Variants in TRIM33 observed in about 807,000 individuals in gnomAD.
The protein encoded by TRIM33 is E3 ubiquitin-protein ligase TRIM33.
Under a neutral mutation model 125.4 loss-of-function variants are expected in TRIM33, and 20 were observed. The observed-to-expected ratio is 0.16, with a 90% confidence interval of 0.11 to 0.23. TRIM33 has a LOEUF of 0.23. Ranked by LOEUF, TRIM33 falls within the 10% of genes least tolerant of loss-of-function variation. TRIM33 has a pLI of 1.00. For missense variants in TRIM33, 920 were observed against 1,411.4 expected, an observed-to-expected ratio of 0.65 and a Z score of 5.58; for synonymous variants, 564 against 513.9, an observed-to-expected ratio of 1.10 and a Z score of -1.32.
intron 1 of TRIM33, among the ~76,000 whole-genome samples, chr1:114,502,312 C>A (rs1652765612): frequency 6.6e-6 from 1 of 152,132 alleles, no homozygotes; most frequent in South Asian, 2.1e-4. Flanking sequence ...TTTAACAGAG[C>A]AGGGCTCAAA....
intron 1 of TRIM33, among the ~76,000 whole-genome samples, chr1:114,492,820 CTT>C (rs1652150689): frequency 6.6e-6 from 1 of 152,218 alleles, no homozygotes; most frequent in African/African-American, 2.4e-5. Context: ...CTGTTGAACA[CTT>C]AACATTATTT....
chr1:114,417,149 T>C (rs575102346), intron 11 of TRIM33, among the ~76,000 whole-genome samples: 1 of 152,296 alleles, frequency 6.6e-6, no homozygotes, highest in East Asian at 1.9e-4. Flanking sequence ...TCCATTCACA[T>C]GTGGAATGTC....
At chr1:114,440,084 TATACTAAGAG>T (rs1648562745) in intron 4 of TRIM33, among the ~76,000 whole-genome samples, 2 of 152,126 alleles carry the variant, frequency 1.3e-5, no homozygotes, top group South Asian at 4.1e-4. Flanking sequence ...AACATAAGGG[TATACTAAGAG>T]TAACCTGCCC....
At chr1:114,476,750 C>T (rs1650998878) in intron 1 of TRIM33, among the ~76,000 whole-genome samples, 1 of 151,938 alleles carries the variant, frequency 6.6e-6, no homozygotes, top group East Asian at 1.9e-4. Flanking sequence ...CATAAATGGC[C>T]AATTTTCTAG....
chr1:114,418,705 CT>C (rs1204613221), intron 11 of TRIM33, among the ~76,000 whole-genome samples: 1 of 152,084 alleles, frequency 6.6e-6, no homozygotes, highest in Admixed American at 6.5e-5. Flanking sequence ...TAAGATTGGC[CT>C]TTTTAGATAT....
chr1:114,442,954 G>C (rs1648744993), intron 4 of TRIM33, among the ~76,000 whole-genome samples: 1 of 151,856 alleles, frequency 6.6e-6, no homozygotes, highest in African/African-American at 2.4e-5. Context: ...TATAAATTTA[G>C]AATTGTGAAT....
At chr1:114,483,441 G>C (rs1651476641) in intron 1 of TRIM33, among the ~76,000 whole-genome samples, 1 of 150,794 alleles carries the variant, frequency 6.6e-6, no homozygotes, top group Non-Finnish European at 1.5e-5. Flanking sequence ...TTTTGAGATG[G>C]AGTCTCTGTC....
At chr1:114,494,569 G>C (rs149568752) in intron 1 of TRIM33, among the ~76,000 whole-genome samples, 2 of 152,158 alleles carry the variant, frequency 1.3e-5, no homozygotes, top group African/African-American at 4.8e-5. Flanking sequence ...AAAGAGTCAT[G>C]ATTGGAATAT....
At chr1:114,438,420 T>C (rs1054654644) in intron 4 of TRIM33, among the ~76,000 whole-genome samples, 3 of 152,246 alleles carry the variant, frequency 2.0e-5, no homozygotes, top group African/African-American at 4.8e-5. Flanking sequence ...TATCCATTCA[T>C]AGCTGATTTT....
rs1651572031 is a variant in TRIM33, at chr1:114,397,013, AG to A, written c.*634del. ...AGTTGATTAAATGATAACTAGTGGT[AG>A]TGTTTCCTAAACCCTAAGTATGAGT... is the stretch of plus-strand genomic sequence containing the variant. On this transcript the variant is annotated 3_prime_UTR_variant, in exon 20 of 20. Coordinates refer to ENST00000358465, the MANE Select transcript of TRIM33 (RefSeq NM_015906.4). 4.6e-6 allele frequency: 1 copy of A among 218,542 alleles called. No homozygotes were observed. The highest frequency in any genetic ancestry group is 5.8e-5 in the Admixed American group (1 of 17,348). The allele number at this position is 218,542 out of a possible 1,614,324, so 13.5% of individuals were successfully genotyped here. A position where few individuals can be genotyped will look rare whatever the true frequency, so the allele number is the denominator to read the frequency against.
intron 11 of TRIM33, among the ~76,000 whole-genome samples, chr1:114,412,898 T>G (rs897120497): frequency 6.6e-6 from 1 of 152,248 alleles, no homozygotes; most frequent in Non-Finnish European, 1.5e-5. Context: ...TTATGACAGA[T>G]ACACGTTTAA....
chr1:114,425,337 C>T, intron 9 of TRIM33, 112 bp downstream of exon 9: 1 of 1,376,504 alleles, frequency 7.3e-7, no homozygotes, highest in Non-Finnish European at 1.0e-6. Context: ...GACTTTTGAA[C>T]TCTGCTCAGT....
At chr1:114,413,387 C>T (rs1045769525) in intron 11 of TRIM33, among the ~76,000 whole-genome samples, 2 of 151,548 alleles carry the variant, frequency 1.3e-5, no homozygotes, top group East Asian at 1.9e-4. Context: ...GAAGAAACCC[C>T]GTCTCTATTA....
At chr1:114,451,844 AATT>A (rs780907385) in intron 4 of TRIM33, among the ~76,000 whole-genome samples, 1 of 152,174 alleles carries the variant, frequency 6.6e-6, no homozygotes, top group Non-Finnish European at 1.5e-5. Context: ...ACTATGCAGC[AATT>A]ATTTTAATTT....
chr1:114,412,841 A>G (rs1652679768), intron 11 of TRIM33, among the ~76,000 whole-genome samples: 1 of 152,332 alleles, frequency 6.6e-6, no homozygotes, highest in Non-Finnish European at 1.5e-5. Context: ...TTGTATAGAA[A>G]TATTTCCTGT....
At position 114,472,499 on chromosome 1, in the gene TRIM33, G is replaced by C. The variant is rs529531240; in HGVS notation, c.527-8111C>G. Among the ~76,000 whole-genome samples the C allele has an allele frequency of 2.6e-5, 4 of 152,326 alleles. No homozygotes were observed. The South Asian group carries it at 6.2e-4, about 24-fold the overall frequency. On this transcript the variant is annotated intron_variant, in intron 1 of 19. Transcript: ENST00000358465. ...TGTAATCCCAACATTTTGGGAGCCA[G>C]AGGCGGGCAGATCGCTTCAGTCTAG... is the stretch of plus-strand genomic sequence containing the variant.
chr1:114,446,957 C>T (rs1649017471), intron 4 of TRIM33, among the ~76,000 whole-genome samples: 1 of 152,072 alleles, frequency 6.6e-6, no homozygotes, highest in Non-Finnish European at 1.5e-5. Context: ...AGAAGGATTG[C>T]TTAAACCCAG....
At chr1:114,406,807 T>A in intron 14 of TRIM33, 134 bp downstream of exon 14, 8 of 816,646 alleles carry the variant, frequency 9.8e-6, no homozygotes, top group Non-Finnish European at 1.5e-5. Flanking sequence ...AAAAGAGATA[T>A]CTGGCTTGTG....
rs1320401334 is a variant in TRIM33, at chr1:114,397,406, A to ATTTCACT, written c.*235_*241dup. On this transcript the variant is annotated 3_prime_UTR_variant, in exon 20 of 20. Transcript: ENST00000358465. Reference sequence around the variant, plus strand: ...CCATTAGAACAGAAATCCTCAAATCATTTCACTTTTGCTTTTTGCTTTGAA... The same window carrying ATTTCACT: ...CCATTAGAACAGAAATCCTCAAATCATTTCACTTTTCACTTTTGCTTTTTGCTTTGAA... 9 of 514,922 alleles carry ATTTCACT rather than the reference A, an allele frequency of 1.7e-5. No homozygotes were observed. The highest frequency in any genetic ancestry group is 1.7e-4 in the African/African-American group (9 of 52,254). The allele number at this position is 514,922 out of a possible 1,614,324, so 31.9% of individuals were successfully genotyped here. A position where few individuals can be genotyped will look rare whatever the true frequency, so the allele number is the denominator to read the frequency against.
Sources: gnomAD v4.1 joint callset for allele counts (sites outside exome capture counted in the v4.1 genomes callset) on GRCh38, gnomAD v4.1.1 for gene constraint, MANE v1.5 for transcripts, NCBI Gene and HGNC (gene_info 2026-07-23, HGNC 2026-07-21) for gene names.